PHTF2: variants seen among roughly 807,000 people sequenced by gnomAD.
The protein encoded by PHTF2 is putative homeodomain transcription factor 2, also known as protein PHTF2.
In PHTF2, 60 loss-of-function variants were observed where a neutral mutation model predicts 101.2. The ratio of observed to expected loss-of-function variants is 0.59; its 90% CI spans 0.48 to 0.73. PHTF2 has a LOEUF of 0.73. Among genes scored for constraint, PHTF2 ranks in the 30% least tolerant of loss-of-function variants. The pLI is 0.00. For missense variants in PHTF2, 747 were observed against 908.7 expected (o/e 0.82, Z 2.29); for synonymous variants, 311 against 307.3 (o/e 1.01, Z -0.13).
chr7:77,861,875 T>C (rs1297515220), intron 3 of PHTF2, among the ~76,000 whole-genome samples: 1 of 152,062 alleles, frequency 6.6e-6, no homozygotes, highest in African/African-American at 2.4e-5. Flanking sequence ...CTGACCAACA[T>C]GGAGAAACCC....
At chr7:77,846,779 CT>C (rs1796339080) in intron 2 of PHTF2, among the ~76,000 whole-genome samples, 1 of 151,984 alleles carries the variant, frequency 6.6e-6, no homozygotes, top group Admixed American at 6.6e-5. Context: ...GTAGCTGGGA[CT>C]ACAGACTTGC....
intron 16 of PHTF2, among the ~76,000 whole-genome samples, chr7:77,946,830 T>G (rs1162556582): frequency 6.6e-6 from 1 of 152,040 alleles, no homozygotes; most frequent in African/African-American, 2.4e-5. Context: ...AATTGAAAAC[T>G]GTAAATACTG....
In PHTF2 at chr7:77,802,584, C is replaced by T. The variant is rs139307580; in HGVS notation, c.-36+3613C>T. On this transcript the variant is annotated intron_variant, in intron 1 of 19. Transcript: ENST00000416283. ...TGAGACAGGGTCTCATTCTGTCTTC[C>T]AGGTTGGAGTACAGTAGTGTAATTA... 7.1e-3 allele frequency among the ~76,000 whole-genome samples: 1,080 copies of T among 152,276 alleles called. 18 individuals are homozygous for T. The highest frequency in any genetic ancestry group is 0.024 in the African/African-American group (1,009 of 41,538).
intron 2 of PHTF2, among the ~76,000 whole-genome samples, chr7:77,841,812 GA>G: frequency 6.6e-6 from 1 of 152,174 alleles, no homozygotes. Flanking sequence ...AAGAGCTAAA[GA>G]AAATTGTAAG....
chr7:77,870,285 A>G (rs1798412534), intron 3 of PHTF2, among the ~76,000 whole-genome samples: 1 of 144,892 alleles, frequency 6.9e-6, no homozygotes, highest in Admixed American at 7.0e-5. Context: ...AGGGTTCTCT[A>G]GAGGGACAGA....
intron 11 of PHTF2, among the ~76,000 whole-genome samples, chr7:77,927,177 A>AAATATAT (rs1554388762): frequency 2.6e-5 from 2 of 78,160 alleles, no homozygotes; most frequent in Non-Finnish European, 4.9e-5. Flanking sequence ...AAAAAAAAAA[A>AAATATAT]ATATATATAT....
At chr7:77,873,970 G>A (rs1798731662) in intron 3 of PHTF2, among the ~76,000 whole-genome samples, 1 of 152,168 alleles carries the variant, frequency 6.6e-6, no homozygotes. Flanking sequence ...CAGATTTGAG[G>A]CTCAGTATCT....
At chr7:77,901,681 C>A in intron 6 of PHTF2, 81 bp from the exon 6 acceptor site, 1 of 694,218 alleles carries the variant, frequency 1.4e-6, no homozygotes, top group Admixed American at 4.0e-5. Context: ...TGATGTTTTT[C>A]AAACATTGAA....
chr7:77,891,000 T>C (rs546913591), intron 3 of PHTF2, among the ~76,000 whole-genome samples: 223 of 145,828 alleles, frequency 1.5e-3, no homozygotes, highest in African/African-American at 5.6e-3. Flanking sequence ...CTTGACCTCC[T>C]GGGCTCCAGT....
At chr7:77,955,631 A>C (rs1239200741) in exon 20 of PHTF2, 1 of 152,586 alleles carries the variant, frequency 6.6e-6, no homozygotes, top group Non-Finnish European at 1.5e-5. Flanking sequence ...GTATCTTTAT[A>C]TGGGATCTGT....
chr7:77,846,713 G>A (rs1159489879), intron 2 of PHTF2, among the ~76,000 whole-genome samples: 2 of 151,096 alleles, frequency 1.3e-5, no homozygotes, highest in Non-Finnish European at 2.9e-5. Context: ...CACAGTCATG[G>A]CTTACTGCAG....
At chr7:77,922,814 C>A in intron 11 of PHTF2, 36 bp downstream of exon 10, 1 of 1,351,854 alleles carries the variant, frequency 7.4e-7, no homozygotes, top group Non-Finnish European at 1.0e-6. Flanking sequence ...ACATACGTAT[C>A]TATTTTATAT....
rs1392834330 is a variant in PHTF2, at chr7:77,916,915, T to TA, written c.777-3363dup. Among the ~76,000 whole-genome samples the TA allele has an allele frequency of 3.9e-5, 6 of 152,266 alleles. No homozygotes were observed. In the East Asian group the frequency reaches 1.2e-3, roughly 29 times the overall value. On this transcript the variant is annotated intron_variant, in intron 9 of 19. Coordinates refer to ENST00000416283, the Ensembl canonical transcript of PHTF2. ...ATTTGAGGTTGGTTGAATCCACAAA[T>TA]ATGGAACCTGTGGATATGGAGGCCT... is the stretch of plus-strand genomic sequence containing the variant.
chr7:77,843,437 C>G (rs1479376708), intron 2 of PHTF2, among the ~76,000 whole-genome samples: 1 of 152,172 alleles, frequency 6.6e-6, no homozygotes, highest in Non-Finnish European at 1.5e-5. Flanking sequence ...TTCATCTAGT[C>G]CATACTGAAT....
intron 16 of PHTF2, among the ~76,000 whole-genome samples, chr7:77,947,742 G>A (rs182938371): frequency 2.4e-4 from 37 of 151,562 alleles, no homozygotes; most frequent in South Asian, 6.2e-4. Flanking sequence ...AACTCATCTG[G>A]AAGCACAGAA....
intron 14 of PHTF2, 103 bp downstream of exon 13, chr7:77,940,405 ATTAT>A (rs1805543922): frequency 2.4e-6 from 3 of 1,274,924 alleles, no homozygotes; most frequent in Middle Eastern, 2.8e-4. Context: ...TTTTTACCTA[ATTAT>A]TTTTTATTTT....
intron 18 of PHTF2, among the ~76,000 whole-genome samples, chr7:77,952,985 C>T (rs559752850): frequency 7.9e-4 from 121 of 152,268 alleles, no homozygotes; most frequent in Non-Finnish European, 1.5e-3. Context: ...GATATTCTTG[C>T]TTCTGATCTC....
intron 8 of PHTF2, 64 bp from the exon 8 acceptor site, chr7:77,910,181 C>A: frequency 7.2e-7 from 1 of 1,383,724 alleles, no homozygotes; most frequent in Non-Finnish European, 9.9e-7. Context: ...TTTGATTGTA[C>A]TACTGAGAAA....
At chr7:77,935,238 T>C (rs998667478) in intron 12 of PHTF2, among the ~76,000 whole-genome samples, 4 of 145,130 alleles carry the variant, frequency 2.8e-5, no homozygotes, top group African/African-American at 1.0e-4. Context: ...TTTTTTTTTT[T>C]TTCAGACGGA....
Sources: allele counts gnomAD v4.1 joint callset (sites outside exome capture counted in the v4.1 genomes callset), GRCh38; gene constraint gnomAD v4.1.1; transcripts MANE v1.5; gene names NCBI Gene and HGNC (gene_info 2026-07-23, HGNC 2026-07-21).